The following PABPC1L variants were observed in gnomAD, a reference collection of about 807,000 sequenced individuals.
PABPC1L encodes the protein polyadenylate-binding protein 1-like.
PABPC1L carries 31 observed loss-of-function variants against 66.6 expected under a neutral mutation model. That is an observed-to-expected ratio of 0.47 (90% CI 0.35 to 0.63). The LOEUF (loss-of-function observed/expected upper bound fraction) is 0.63. Ranked by LOEUF, PABPC1L falls within the 20% of genes least tolerant of loss-of-function variation. The pLI is 0.00. For synonymous variants in PABPC1L, 348 were observed against 335.1 expected, an observed-to-expected ratio of 1.04 and a Z score of -0.42; for missense variants, 722 against 848.8, an observed-to-expected ratio of 0.85 and a Z score of 1.86.
chr20:44,935,611 G>A (rs957228771), intron 11 of PABPC1L, 114 bp downstream of exon 11: 12 of 744,298 alleles, frequency 1.6e-5, no homozygotes, highest in Admixed American at 1.1e-4. Flanking sequence ...GTAAAGTTTC[G>A]TTTATTAATG....
rs538342392 is a variant in PABPC1L at position 44,938,162 on chromosome 20, C to G, written c.1762C>G (p.Leu588Val). 2.5e-6 allele frequency: 4 copies of G among 1,614,184 alleles called. No homozygotes were observed. In the South Asian group the frequency reaches 3.3e-5, roughly 13 times the overall value. ...TGACAACTCAGAGCTGTTGCTCATG[C>G]TGGAGTCTCCAGAATCCCTCCATGC... ...EIDNSELLLM[L>V]ESPESLHAKI... is the part of the protein sequence containing the mutation. Residue 588 changes from leucine (L) to valine (V), a missense_variant, in exon 13 of 15, where the codon CTG becomes GTG. Physicochemically the swap from Leu to Val is conservative, Grantham distance 32 (BLOSUM62 1). Around this residue, in one of 3 missense-constraint regions of PABPC1L, gnomAD observed 301 missense variants for 337.2 expected, o/e 0.89. Coordinates refer to ENST00000217073, the MANE Select transcript of PABPC1L (RefSeq NM_001372179.1).
intron 2 of PABPC1L, among the ~76,000 whole-genome samples, chr20:44,914,849 G>A (rs186999535): frequency 3.6e-3 from 545 of 152,328 alleles, no homozygotes; most frequent in Non-Finnish European, 5.5e-3. Flanking sequence ...AGTGATAACT[G>A]TAACAATCAA....
chr20:44,932,245 G>C (rs558299179), intron 8 of PABPC1L, 97 bp from the exon 9 acceptor site: 1 of 883,836 alleles, frequency 1.1e-6, no homozygotes, highest in Non-Finnish European at 1.7e-6. Flanking sequence ...CCCTGCAGGA[G>C]CCAGTGGAGT....
chr20:44,910,803 G>T (rs925354464), intron 1 of PABPC1L, among the ~76,000 whole-genome samples: 8 of 152,186 alleles, frequency 5.3e-5, no homozygotes, highest in African/African-American at 1.7e-4. Flanking sequence ...GGAGAACCCA[G>T]CCTTGGGCTC....
chr20:44,930,524 C>T lies in PABPC1L; in HGVS notation c.1037C>T (p.Ala346Val), dbSNP rs750947314. The T allele has an allele frequency of 3.7e-5, 59 of 1,614,134 alleles. No homozygotes were observed. Among genetic ancestry groups the T allele is most frequent in the Non-Finnish European group, 4.3e-5 (51 of 1,180,056 alleles). ...GFVCFSSPEE[A>V]TKAVTEMNGR... ...GTGTGTTTTTCCTCCCCAGAAGAGG[C>T]GACAAAGGCCGTGACAGAGATGAAC... Residue 346 changes from alanine (A) to valine (V), a missense_variant, in exon 8 of 15, where the codon GCG becomes GTG. Coordinates refer to ENST00000217073, the MANE Select transcript of PABPC1L (RefSeq NM_001372179.1).
chr20:44,927,952 C>T (rs79318360), intron 7 of PABPC1L, among the ~76,000 whole-genome samples: 2,843 of 152,110 alleles, frequency 0.019, 31 homozygotes, highest in Non-Finnish European at 0.031. Flanking sequence ...CCAAACCTGG[C>T]CCTAAGAATA....
At chr20:44,923,035 A>G (rs1238877433) in intron 6 of PABPC1L, among the ~76,000 whole-genome samples, 2 of 152,236 alleles carry the variant, frequency 1.3e-5, no homozygotes, top group Non-Finnish European at 2.9e-5. Flanking sequence ...TACTCATCAC[A>G]TAATCTGCAA....
chr20:44,920,180 A>G (rs529312784), intron 5 of PABPC1L, among the ~76,000 whole-genome samples: 2 of 152,284 alleles, frequency 1.3e-5, no homozygotes, highest in Admixed American at 6.5e-5. Flanking sequence ...TCCCAAGTTT[A>G]CATTAGGATT....
Position 44,930,466 on chromosome 20 carries a change from A to AC in PABPC1L, c.980dup (p.Glu328ArgfsTer114), listed in dbSNP as rs776103554. 2 of 1,613,128 alleles carry AC rather than the reference A, an allele frequency of 1.2e-6. No homozygotes were observed. Among genetic ancestry groups the AC allele is most frequent in the East Asian group, 4.5e-5 (2 of 44,848 alleles). On this transcript the variant is annotated frameshift_variant, in exon 8 of 15. Transcript: ENST00000217073. LOFTEE classifies it high-confidence loss of function. ...TGTCTTGTCTTGCTTTTAGGTGATGACAGAGGGTGGCCACAGCAAGGGGTT... is the reference window on the plus strand; with the variant it reads ...TGTCTTGTCTTGCTTTTAGGTGATGACCAGAGGGTGGCCACAGCAAGGGGTT...
intron 7 of PABPC1L, among the ~76,000 whole-genome samples, chr20:44,929,725 G>T (rs1017919946): frequency 4.6e-5 from 7 of 151,336 alleles, no homozygotes; most frequent in Admixed American, 4.6e-4. Context: ...AACCCGGGAG[G>T]CTGAGGTTGC....
Position 44,924,010 on chromosome 20 carries a change from G to A in PABPC1L, c.877-151G>A, listed in dbSNP as rs2066791710. 9 of 667,696 alleles carry A rather than the reference G, an allele frequency of 1.3e-5. No individual in the cohort carries two copies. In the East Asian group the frequency reaches 1.5e-4, roughly 11 times the overall value. 41.4% of individuals were successfully genotyped at this position (667,696 alleles called of 1,614,324 possible). ...ATGTGATGGGCACGCTGAGGGATGG[G>A]GGTACCTGGGTGCTGAGGGAGACGG... is the stretch of plus-strand genomic sequence containing the variant. On this transcript the variant is annotated intron_variant, in intron 6 of 14. Coordinates refer to ENST00000217073, the MANE Select transcript of PABPC1L (RefSeq NM_001372179.1).
At chr20:44,928,095 G>T (rs2066823388) in intron 7 of PABPC1L, among the ~76,000 whole-genome samples, 1 of 152,054 alleles carries the variant, frequency 6.6e-6, no homozygotes, top group Non-Finnish European at 1.5e-5. Context: ...TTGAGACGAA[G>T]TCCCACTCTG....
intron 7 of PABPC1L, among the ~76,000 whole-genome samples, chr20:44,927,580 C>T (rs903902971): frequency 6.6e-6 from 1 of 152,052 alleles, no homozygotes; most frequent in African/African-American, 2.4e-5. Context: ...AACTTCTGAC[C>T]TCAGGTGATC....
intron 7 of PABPC1L, among the ~76,000 whole-genome samples, chr20:44,930,222 A>C: frequency 6.6e-6 from 1 of 152,004 alleles, no homozygotes; most frequent in Non-Finnish European, 1.5e-5. Flanking sequence ...TCCCTCCATC[A>C]CTCCTCAGTA....
rs2066924111 is a variant in PABPC1L at position 44,939,137 on chromosome 20, C to T, written c.*18C>T. The T allele has an allele frequency of 2.8e-6, 2 of 718,006 alleles. No homozygotes were observed. Among genetic ancestry groups the T allele is most frequent in the Non-Finnish European group, 5.2e-6 (2 of 385,208 alleles). The allele number at this position is 718,006 out of a possible 1,614,324, so 44.5% of individuals were successfully genotyped here. ...CTTTTTGTCCTCAGAAAAGGAAATC[C>T]TCGCTTCCATGGCTGCCAAAAGGAC... On this transcript the variant is annotated 3_prime_UTR_variant, in exon 15 of 15. Transcript: ENST00000217073.
chr20:44,935,572 G>A, intron 11 of PABPC1L, 75 bp downstream of exon 11: 2 of 1,253,062 alleles, frequency 1.6e-6, no homozygotes, highest in Non-Finnish European at 2.3e-6. Flanking sequence ...TAAGGTGTTG[G>A]GCCTTGGCTT....
intron 2 of PABPC1L, among the ~76,000 whole-genome samples, chr20:44,915,420 GAAGGTCTTTCCTTGTTCTC>G (rs1336091711): frequency 1.3e-5 from 2 of 152,178 alleles, no homozygotes; most frequent in East Asian, 3.8e-4. Context: ...ATGTGAACTA[GAAGGTCTTTCCTTGTTCTC>G]AAGTTCTGTC....
At chr20:44,935,068 A>G (rs2066890537) in intron 10 of PABPC1L, among the ~76,000 whole-genome samples, 1 of 147,126 alleles carries the variant, frequency 6.8e-6, no homozygotes, top group African/African-American at 2.6e-5. Flanking sequence ...ACTCTGTCTC[A>G]GGAAAAAAAA....
Position 44,916,772 on chromosome 20 carries a change from A to T in PABPC1L, c.404A>T (p.His135Leu). The T allele has an allele frequency of 6.2e-7, 1 of 1,614,196 alleles. No individual in the cohort carries two copies. The highest frequency in any genetic ancestry group is 8.5e-7 in the Non-Finnish European group (1 of 1,180,034). ...ILSCKVACDE[H>L]GSRGFGFVHF... Reference sequence around the variant, plus strand: ...GTGGCCCAGGTGGCGTGTGACGAGCATGGCTCCCGGGGTTTCGGCTTTGTC... The same window carrying T: ...GTGGCCCAGGTGGCGTGTGACGAGCTTGGCTCCCGGGGTTTCGGCTTTGTC... The change falls in exon 3 of 15, where the codon CAT (histidine) becomes CTT (leucine). Residue 135 changes from histidine (H) to leucine (L), a missense_variant. Coordinates refer to ENST00000217073, the MANE Select transcript of PABPC1L (RefSeq NM_001372179.1).
Sources: allele counts gnomAD v4.1 joint callset (sites outside exome capture counted in the v4.1 genomes callset), GRCh38; gene constraint gnomAD v4.1.1; regional missense constraint gnomAD v4.1.1; transcripts MANE v1.5; gene names NCBI Gene and HGNC (gene_info 2026-07-23, HGNC 2026-07-21).